Variants in MRPL48 observed in about 807,000 individuals in gnomAD.
The protein encoded by MRPL48 is large ribosomal subunit protein mL48.
A neutral mutation model predicts 32.9 loss-of-function variants in MRPL48; 16 were observed. The ratio of observed to expected loss-of-function variants is 0.49; its 90% CI spans 0.33 to 0.74. MRPL48 has a LOEUF of 0.74. MRPL48 is among the 30% of genes least tolerant of loss of function. The probability of loss-of-function intolerance (pLI) is 0.02; values close to 1 mark genes in which losing one functional copy is unlikely to be tolerated. For missense variants in MRPL48, 206 were observed against 245.3 expected (o/e 0.84, Z 1.07); for synonymous variants, 94 against 89.2 (o/e 1.05, Z -0.31).
intron 4 of MRPL48, among the ~76,000 whole-genome samples, chr11:73,841,423 A>G (rs1948183678): frequency 6.6e-6 from 1 of 152,228 alleles, no homozygotes; most frequent in Non-Finnish European, 1.5e-5. Flanking sequence ...GGATAAATAA[A>G]TTGTGGCATA....
intron 4 of MRPL48, among the ~76,000 whole-genome samples, chr11:73,844,087 A>G (rs1265683631): frequency 6.6e-6 from 1 of 151,890 alleles, no homozygotes; most frequent in African/African-American, 2.4e-5. Context: ...CTCAAAAAAA[A>G]AAAATATTGG....
intron 4 of MRPL48, among the ~76,000 whole-genome samples, chr11:73,834,539 T>TG (rs397951473): frequency 2.7e-5 from 4 of 148,446 alleles, no homozygotes; most frequent in Non-Finnish European, 6.0e-5. Context: ...TTTTTTTTTT[T>TG]GTTTTTTTTT....
chr11:73,811,979 G>A (rs527902133), intron 3 of MRPL48, among the ~76,000 whole-genome samples: 2 of 152,008 alleles, frequency 1.3e-5, no homozygotes, highest in African/African-American at 2.4e-5. Context: ...TCCACCACCC[G>A]GGTTCACACC....
intron 4 of MRPL48, among the ~76,000 whole-genome samples, chr11:73,829,730 C>T (rs534770920): frequency 1.3e-5 from 2 of 152,290 alleles, no homozygotes; most frequent in East Asian, 3.9e-4. Context: ...CCTAGGAAAA[C>T]TGCTCTATGT....
intron 4 of MRPL48, among the ~76,000 whole-genome samples, chr11:73,837,429 C>T (rs1289184368): frequency 6.6e-6 from 1 of 152,174 alleles, no homozygotes. Context: ...CTCTAAGATC[C>T]TTTCTGGCTG....
intron 3 of MRPL48, among the ~76,000 whole-genome samples, chr11:73,821,511 T>C (rs1423774433): frequency 6.6e-6 from 1 of 152,156 alleles, no homozygotes; most frequent in African/African-American, 2.4e-5. Flanking sequence ...TGCTCTACTT[T>C]AAAATTATCT....
At chr11:73,823,814 C>G (rs1947831450) in intron 3 of MRPL48, among the ~76,000 whole-genome samples, 1 of 151,572 alleles carries the variant, frequency 6.6e-6, no homozygotes, top group Non-Finnish European at 1.5e-5. Flanking sequence ...CATGCTACCA[C>G]TATGGCTACC....
intron 4 of MRPL48, among the ~76,000 whole-genome samples, chr11:73,828,982 C>T (rs1947947425): frequency 6.6e-6 from 1 of 151,966 alleles, no homozygotes; most frequent in Admixed American, 6.6e-5. Flanking sequence ...ACTTTTTTGG[C>T]TGTTTTAAAA....
At chr11:73,839,755 A>G (rs923475447) in intron 4 of MRPL48, among the ~76,000 whole-genome samples, 8 of 152,338 alleles carry the variant, frequency 5.3e-5, no homozygotes, top group Middle Eastern at 3.4e-3. Context: ...AAAAATCCCT[A>G]TAACCATAAA....
intron 3 of MRPL48, among the ~76,000 whole-genome samples, chr11:73,809,472 C>G (rs927224734): frequency 2.0e-5 from 3 of 150,774 alleles, no homozygotes; most frequent in African/African-American, 7.3e-5. Flanking sequence ...CCACTGCACT[C>G]CAGCCTGGGC....
intron 5 of MRPL48, among the ~76,000 whole-genome samples, chr11:73,856,452 CAGA>C (rs1948483405): frequency 6.6e-6 from 1 of 152,128 alleles, no homozygotes; most frequent in South Asian, 2.1e-4. Flanking sequence ...ACAACTCACC[CAGA>C]AGGAGAGGCA....
intron 1 of MRPL48, among the ~76,000 whole-genome samples, chr11:73,798,848 G>A (rs141791622): frequency 8.0e-4 from 122 of 152,062 alleles, no homozygotes; most frequent in Middle Eastern, 3.4e-3. Flanking sequence ...AAAATTATCC[G>A]GGTTTGGTGA....
At chr11:73,845,090 G>T (rs1489479076) in intron 5 of MRPL48, 114 bp downstream of exon 5, 46 of 1,038,826 alleles carry the variant, frequency 4.4e-5, no homozygotes, top group African/African-American at 1.6e-5. Flanking sequence ...ACTCTTTTTA[G>T]TTATATAATG....
At chr11:73,827,835 C>T (rs923507433) in intron 4 of MRPL48, among the ~76,000 whole-genome samples, 3 of 152,122 alleles carry the variant, frequency 2.0e-5, no homozygotes, top group Admixed American at 2.0e-4. Flanking sequence ...TAGCCAGGCT[C>T]CCAGCAGGAA....
intron 3 of MRPL48, among the ~76,000 whole-genome samples, chr11:73,811,683 A>C (rs1050959096): frequency 6.6e-6 from 1 of 152,108 alleles, no homozygotes; most frequent in Non-Finnish European, 1.5e-5. Flanking sequence ...GTTTATTTTG[A>C]ATTGGTATAT....
At chr11:73,791,537 C>T (rs1947153934) in intron 1 of MRPL48, among the ~76,000 whole-genome samples, 1 of 152,044 alleles carries the variant, frequency 6.6e-6, no homozygotes, top group South Asian at 2.1e-4. Flanking sequence ...TCGCCTTAGC[C>T]TCCTGAGTAG....
chr11:73,849,693 T>C (rs969378258), intron 5 of MRPL48, among the ~76,000 whole-genome samples: 1 of 152,226 alleles, frequency 6.6e-6, no homozygotes, highest in African/African-American at 2.4e-5. Flanking sequence ...TTGGCAATTA[T>C]GAATAAAACC....
At chr11:73,853,950 A>C (rs1047993437) in intron 5 of MRPL48, among the ~76,000 whole-genome samples, 2 of 152,060 alleles carry the variant, frequency 1.3e-5, no homozygotes, top group Non-Finnish European at 2.9e-5. Flanking sequence ...TCGGCCTCCC[A>C]AAGTGCTGGG....
chr11:73,856,274 C>T (rs968041723), intron 5 of MRPL48, among the ~76,000 whole-genome samples: 2 of 152,168 alleles, frequency 1.3e-5, no homozygotes, highest in African/African-American at 4.8e-5. Flanking sequence ...AATCTCACTA[C>T]CCAGCCTTTC....
Sources: gnomAD v4.1 joint callset for allele counts (sites outside exome capture counted in the v4.1 genomes callset) on GRCh38, gnomAD v4.1.1 for gene constraint, MANE v1.5 for transcripts, NCBI Gene and HGNC (gene_info 2026-07-23, HGNC 2026-07-21) for gene names.